RCL1: variants seen among roughly 807,000 people sequenced by gnomAD.
The protein encoded by RCL1 is RNA 3'-terminal phosphate cyclase-like protein.
In RCL1, 24 loss-of-function variants were observed where a neutral mutation model predicts 42.4. The ratio of observed to expected loss-of-function variants is 0.57; its 90% CI spans 0.41 to 0.80. RCL1 has a LOEUF of 0.80. RCL1 is among the 30% of genes least tolerant of loss of function. The pLI is 0.00. For missense variants in RCL1, 578 were observed against 467.9 expected (o/e 1.24, Z -2.17); for synonymous variants, 228 against 177.3 (o/e 1.29, Z -2.27).
chr9:4,849,939 A>T (rs865879800), intron 8 of RCL1, among the ~76,000 whole-genome samples: 1 of 152,012 alleles, frequency 6.6e-6, no homozygotes, highest in Non-Finnish European at 1.5e-5. Flanking sequence ...GTCTAAGATG[A>T]TAGGATATGA....
intron 7 of RCL1, among the ~76,000 whole-genome samples, chr9:4,848,298 C>T (rs1017741020): frequency 2.6e-5 from 4 of 152,154 alleles, no homozygotes; most frequent in African/African-American, 7.2e-5. Context: ...AGTTTAGGGA[C>T]GTGCAATAGA....
chr9:4,821,083 A>G (rs1476441333), intron 1 of RCL1, among the ~76,000 whole-genome samples: 1 of 152,194 alleles, frequency 6.6e-6, no homozygotes, highest in Non-Finnish European at 1.5e-5. Context: ...AGCTCCAAGG[A>G]ATTAAACTGA....
intron 5 of RCL1, 86 bp from the exon 6 acceptor site, chr9:4,841,146 G>A: frequency 1.3e-6 from 2 of 1,482,956 alleles, no homozygotes; most frequent in Non-Finnish European, 1.9e-6. Context: ...TGTTACTACA[G>A]TTCCACAAAT....
intron 1 of RCL1, among the ~76,000 whole-genome samples, chr9:4,793,958 G>C (rs1005852614): frequency 2.6e-5 from 4 of 152,148 alleles, no homozygotes; most frequent in Non-Finnish European, 4.4e-5. Context: ...AAAAGAAATA[G>C]GCCCATTTAA....
chr9:4,847,932 A>G (rs1027486930), intron 7 of RCL1, among the ~76,000 whole-genome samples: 1 of 152,186 alleles, frequency 6.6e-6, no homozygotes, highest in African/African-American at 2.4e-5. Context: ...CCTGAGTCCT[A>G]AAGCCCTCCT....
Position 4,823,547 on chromosome 9 carries a change from G to T in RCL1, c.137-1G>T. 6.2e-7 allele frequency: 1 copy of T among 1,607,494 alleles called. No individual in the cohort carries two copies. Among genetic ancestry groups the T allele is most frequent in the Non-Finnish European group, 8.5e-7 (1 of 1,177,514 alleles). On this transcript the variant is annotated splice_acceptor_variant, in intron 1 of 8. Coordinates refer to ENST00000381750, the MANE Select transcript of RCL1 (RefSeq NM_005772.5). LOFTEE classifies it high-confidence loss of function. ...TCTTCACAGATTTTTTTTCTTCACA[G>T]ATTTTGAAGCCAGCTTCATAAGGCT... is the stretch of plus-strand genomic sequence containing the variant.
chr9:4,811,313 G>A (rs1816167007), intron 1 of RCL1, among the ~76,000 whole-genome samples: 1 of 150,638 alleles, frequency 6.6e-6, no homozygotes, highest in African/African-American at 2.4e-5. Flanking sequence ...AAAATATACA[G>A]TAAATTATTG....
intron 7 of RCL1, among the ~76,000 whole-genome samples, chr9:4,847,757 C>G (rs1369627232): frequency 6.6e-6 from 1 of 152,182 alleles, no homozygotes; most frequent in African/African-American, 2.4e-5. Context: ...ATTGGGCTAC[C>G]CACCTTCTCT....
rs1816170399 is a variant in RCL1, at chr9:4,811,405, G to T, written c.137-12143G>T. Among the ~76,000 whole-genome samples the T allele has an allele frequency of 1.3e-5, 2 of 151,958 alleles. 1 individual carries two copies. Among genetic ancestry groups the T allele is most frequent in the South Asian group, 4.2e-4 (2 of 4,810 alleles). ...CCTGTACTTTTATATTTGTTAACCAGCCTTTGGCTATCCTTCCTTCTCCCC... is the reference window on the plus strand; with the variant it reads ...CCTGTACTTTTATATTTGTTAACCATCCTTTGGCTATCCTTCCTTCTCCCC... On this transcript the variant is annotated intron_variant, in intron 1 of 8. Transcript: ENST00000381750.
In RCL1 at chr9:4,827,044, A is replaced by G; in HGVS notation, c.384+11A>G. The G allele has an allele frequency of 1.2e-6, 2 of 1,614,186 alleles. No individual in the cohort carries two copies. Among genetic ancestry groups the G allele is most frequent in the Non-Finnish European group, 1.7e-6 (2 of 1,180,012 alleles). On this transcript the variant is annotated intron_variant, in intron 3 of 8. Coordinates refer to ENST00000381750, the MANE Select transcript of RCL1 (RefSeq NM_005772.5). ...CAGGTTGACCCTTCAGTGAGTATTG[A>G]GAACAAACCGTGGTGTGGTTTTTGT... is the stretch of plus-strand genomic sequence containing the variant.
intron 8 of RCL1, among the ~76,000 whole-genome samples, chr9:4,856,277 G>A (rs1817960113): frequency 6.6e-6 from 1 of 152,206 alleles, no homozygotes; most frequent in Non-Finnish European, 1.5e-5. Context: ...TAATTGGTTA[G>A]TAAGACAGGA....
intron 1 of RCL1, among the ~76,000 whole-genome samples, chr9:4,800,800 G>GCAC (rs1018678552): frequency 3.3e-5 from 5 of 151,542 alleles, no homozygotes; most frequent in African/African-American, 1.2e-4. Context: ...TTACAGGTGT[G>GCAC]CACCACCACA....
chr9:4,841,429 G>C lies in RCL1; in HGVS notation c.710+72G>C, dbSNP rs571732285. 4.3e-5 allele frequency: 54 copies of C among 1,262,102 alleles called. No homozygotes were observed. In the East Asian group the frequency reaches 1.2e-3, roughly 28 times the overall value. 78.2% of individuals were successfully genotyped at this position (1,262,102 alleles called of 1,614,324 possible). A position where few individuals can be genotyped will look rare whatever the true frequency, so the allele number is the denominator to read the frequency against. On this transcript the variant is annotated intron_variant, in intron 6 of 8. Coordinates refer to ENST00000381750, the MANE Select transcript of RCL1 (RefSeq NM_005772.5). ...GCCTGTTCTAGTTGAAGTTAAAACT[G>C]CCAGCTCTGAGGTTGCGCAGCCAGA...
intron 1 of RCL1, chr9:4,804,048 C>A (rs562125847): frequency 6.6e-6 from 1 of 152,448 alleles, no homozygotes; most frequent in Non-Finnish European, 1.5e-5. Flanking sequence ...GGGTAGTGAT[C>A]TTTTTTGGCT....
chr9:4,793,112 CCTCAG>C lies in RCL1; in HGVS notation c.24_28del (p.Ser9ArgfsTer38). 6.2e-7 allele frequency: 1 copy of C among 1,609,650 alleles called. No homozygotes were observed. Among genetic ancestry groups the C allele is most frequent in the Non-Finnish European group, 8.5e-7 (1 of 1,178,368 alleles). On this transcript the variant is annotated frameshift_variant, in exon 1 of 9. Transcript: ENST00000381750. LOFTEE classifies it high-confidence loss of function. ...CGCACATGGCGACTCAGGCGCACTC[CCTCAG>C]CTACGCAGGGTGCAACTTCTTGCGC...
intron 6 of RCL1, among the ~76,000 whole-genome samples, chr9:4,841,583 G>A (rs912069177): frequency 2.2e-4 from 33 of 152,234 alleles, no homozygotes; most frequent in African/African-American, 7.7e-4. Flanking sequence ...CTGGTTCCTA[G>A]CCTTGGGGAA....
At chr9:4,853,270 G>T (rs533043903) in intron 8 of RCL1, among the ~76,000 whole-genome samples, 1 of 152,004 alleles carries the variant, frequency 6.6e-6, no homozygotes, top group Non-Finnish European at 1.5e-5. Context: ...ACAGTAAGTG[G>T]GGTTCAGACC....
intron 6 of RCL1, among the ~76,000 whole-genome samples, chr9:4,844,176 TGTTGA>T (rs1397865520): frequency 6.6e-6 from 1 of 152,120 alleles, no homozygotes; most frequent in Non-Finnish European, 1.5e-5. Context: ...TGTGAGCGTG[TGTTGA>T]GTTGTGTTAA....
chr9:4,834,037 C>G, intron 4 of RCL1, 104 bp from the exon 5 acceptor site: 1 of 1,285,542 alleles, frequency 7.8e-7, no homozygotes, highest in Non-Finnish European at 1.1e-6. Flanking sequence ...AAGAGCTATG[C>G]CTTGTAAGGA....
Sources: gnomAD v4.1 joint callset for allele counts (sites outside exome capture counted in the v4.1 genomes callset) on GRCh38, gnomAD v4.1.1 for gene constraint, MANE v1.5 for transcripts, NCBI Gene and HGNC (gene_info 2026-07-23, HGNC 2026-07-21) for gene names.